Variants in SEMA3C observed in about 807,000 individuals in gnomAD.
The protein encoded by SEMA3C is semaphorin 3C, also known as semaphorin-3C.
SEMA3C carries 47 observed loss-of-function variants against 89.4 expected under a neutral mutation model. That is an observed-to-expected ratio of 0.53 (90% CI 0.42 to 0.67). SEMA3C has a LOEUF of 0.67. SEMA3C is among the 30% of genes least tolerant of loss of function. The pLI is 0.00. For synonymous variants in SEMA3C, 310 were observed against 320.2 expected (o/e 0.97, Z 0.34); for missense variants, 839 against 929.1 (o/e 0.90, Z 1.26).
At chr7:80,795,340 T>C (rs949875682) in intron 11 of SEMA3C, among the ~76,000 whole-genome samples, 2 of 152,204 alleles carry the variant, frequency 1.3e-5, no homozygotes, top group Admixed American at 6.5e-5. Flanking sequence ...AGGTCACTCC[T>C]ACCCTGCCTC....
chr7:80,753,201 G>GT (rs1346721534), intron 15 of SEMA3C, among the ~76,000 whole-genome samples: 2 of 152,160 alleles, frequency 1.3e-5, no homozygotes, highest in Non-Finnish European at 1.5e-5. Flanking sequence ...CAGTGAAAGT[G>GT]TTAGCCACTT....
At position 80,798,215 on chromosome 7, in the gene SEMA3C, G is replaced by A. The variant is rs1274466060; in HGVS notation, c.1008C>T (p.Ala336=). ...TATCAGATAAATGATACACACACAC[G>A]GCTGATCCTTTGAAAACTGAGCTAA... is the stretch of plus-strand genomic sequence containing the variant. ...TTSSSVFKGS[A]VCVYHLSDIQ... The change falls in exon 11 of 18, where the codon GCC becomes GCT. Residue 336 remains alanine, a synonymous_variant. Transcript: ENST00000265361. 1.6e-5 allele frequency: 24 copies of A among 1,484,032 alleles called. No homozygotes were observed. Among genetic ancestry groups the A allele is most frequent in the African/African-American group, 2.9e-5 (2 of 68,580 alleles). 91.9% of individuals were successfully genotyped at this position (1,484,032 alleles called of 1,614,324 possible).
At chr7:80,856,103 T>G (rs997646980) in intron 2 of SEMA3C, among the ~76,000 whole-genome samples, 2 of 152,098 alleles carry the variant, frequency 1.3e-5, no homozygotes, top group Admixed American at 6.6e-5. Flanking sequence ...AGTTATCAAA[T>G]TTTTTGGAGT....
upstream of SEMA3C, chr7:80,919,257 G>A (rs1165220312): frequency 9.1e-6 from 9 of 984,854 alleles, no homozygotes; most frequent in Non-Finnish European, 1.1e-5. Context: ...CGGACCGGGC[G>A]GGGCCGACCC....
At chr7:80,901,634 G>A (rs1791882612) in intron 2 of SEMA3C, among the ~76,000 whole-genome samples, 2 of 152,282 alleles carry the variant, frequency 1.3e-5, no homozygotes, top group South Asian at 4.1e-4. Context: ...TAGAAGCTTG[G>A]AATCAGTATC....
chr7:80,844,993 G>A (rs550250548), intron 2 of SEMA3C, among the ~76,000 whole-genome samples: 9 of 152,242 alleles, frequency 5.9e-5, no homozygotes, highest in African/African-American at 2.4e-5. Context: ...CGCTTGAGGA[G>A]AATTTTCCAA....
chr7:80,760,518 G>A (rs577966173), intron 14 of SEMA3C, among the ~76,000 whole-genome samples: 21 of 152,242 alleles, frequency 1.4e-4, no homozygotes, highest in African/African-American at 2.9e-4. Flanking sequence ...AGATGAGATC[G>A]TTAGCTCCAT....
At chr7:80,766,541 GC>G (rs1420840492) in intron 12 of SEMA3C, among the ~76,000 whole-genome samples, 2 of 152,150 alleles carry the variant, frequency 1.3e-5, no homozygotes, top group Non-Finnish European at 2.9e-5. Flanking sequence ...CTGTAACGGG[GC>G]CTTTGAGACC....
At chr7:80,905,683 AT>A (rs1791997247) in intron 2 of SEMA3C, 2 of 390,562 alleles carry the variant, frequency 5.1e-6, no homozygotes, top group Non-Finnish European at 1.0e-5. Context: ...AATGCCTACA[AT>A]GGGTTTAAAG....
intron 2 of SEMA3C, among the ~76,000 whole-genome samples, chr7:80,871,800 A>G (rs1350349627): frequency 6.6e-6 from 1 of 152,234 alleles, no homozygotes; most frequent in Non-Finnish European, 1.5e-5. Context: ...TGCATTATTA[A>G]AAATTGAGTA....
chr7:80,820,557 TGATA>T (rs1789722915), intron 4 of SEMA3C, among the ~76,000 whole-genome samples: 2 of 152,180 alleles, frequency 1.3e-5, no homozygotes, highest in African/African-American at 4.8e-5. Flanking sequence ...GATGTTTCTA[TGATA>T]GATTTTTATT....
intron 17 of SEMA3C, among the ~76,000 whole-genome samples, chr7:80,745,779 T>C (rs1217362791): frequency 5.9e-5 from 9 of 152,196 alleles, no homozygotes; most frequent in African/African-American, 2.2e-4. Context: ...TTTTATCGTT[T>C]TGTTTCAATA....
chr7:80,911,333 C>T (rs1217699669), intron 2 of SEMA3C, among the ~76,000 whole-genome samples: 1 of 151,922 alleles, frequency 6.6e-6, no homozygotes, highest in Non-Finnish European at 1.5e-5. Flanking sequence ...GTTTAATTGC[C>T]AAAACTATTT....
At chr7:80,857,707 T>A (rs1157738295) in intron 2 of SEMA3C, among the ~76,000 whole-genome samples, 1 of 152,140 alleles carries the variant, frequency 6.6e-6, no homozygotes, top group Non-Finnish European at 1.5e-5. Context: ...AGACCCTTGA[T>A]AAAAGGAGAG....
At chr7:80,891,358 ATCC>A (rs1371419332) in intron 2 of SEMA3C, among the ~76,000 whole-genome samples, 1 of 152,034 alleles carries the variant, frequency 6.6e-6, no homozygotes, top group African/African-American at 2.4e-5. Context: ...CTCACTCCTT[ATCC>A]CTCCCTCCCC....
chr7:80,803,976 A>C (rs1789275621), intron 8 of SEMA3C, 130 bp downstream of exon 8: 1 of 806,588 alleles, frequency 1.2e-6, no homozygotes, highest in South Asian at 2.8e-5. Flanking sequence ...AATGATGATG[A>C]ATAAATGTTA....
Position 80,868,539 on chromosome 7 carries a change from G to T in SEMA3C, c.104-39794C>A, listed in dbSNP as rs558106264. Among the ~76,000 whole-genome samples the T allele has an allele frequency of 4.6e-5, 7 of 152,240 alleles. No individual in the cohort carries two copies. In the South Asian group the frequency reaches 1.5e-3, roughly 32 times the overall value. On this transcript the variant is annotated intron_variant, in intron 2 of 17. Transcript: ENST00000265361. Reference sequence around the variant, plus strand: ...CTGCCTCAGCCTCCCAAAGCCTTGGGATTACAGGTGTGAGCCACTGCACCC... The same window carrying T: ...CTGCCTCAGCCTCCCAAAGCCTTGGTATTACAGGTGTGAGCCACTGCACCC...
chr7:80,761,718 C>G, intron 13 of SEMA3C, 61 bp from the exon 14 acceptor site: 1 of 947,088 alleles, frequency 1.1e-6, no homozygotes. Context: ...ATTTTACATT[C>G]AGATTTTTTT....
intron 5 of SEMA3C, among the ~76,000 whole-genome samples, chr7:80,815,624 A>G (rs773315375): frequency 9.9e-5 from 15 of 151,156 alleles, no homozygotes; most frequent in Admixed American, 8.6e-4. Context: ...GATGAAGGTT[A>G]TTTATCAAAG....
Sources: allele counts gnomAD v4.1 joint callset (sites outside exome capture counted in the v4.1 genomes callset), GRCh38; gene constraint gnomAD v4.1.1; transcripts MANE v1.5; gene names NCBI Gene and HGNC (gene_info 2026-07-23, HGNC 2026-07-21).